Variants in PTPN1 observed in about 807,000 individuals in gnomAD.
PTPN1 encodes protein tyrosine phosphatase non-receptor type 1, also known as tyrosine-protein phosphatase non-receptor type 1.
PTPN1 carries 12 observed loss-of-function variants against 59.9 expected under a neutral mutation model. The ratio of observed to expected loss-of-function variants is 0.20; its 90% CI spans 0.13 to 0.32. PTPN1 has a LOEUF of 0.32. PTPN1 is among the 10% of genes least tolerant of loss of function. The pLI, the probability that PTPN1 is intolerant of heterozygous loss-of-function variation, is 1.00. For missense variants in PTPN1, 356 were observed against 549.2 expected (o/e 0.65, Z 3.52); for synonymous variants, 178 against 203.6 (o/e 0.87, Z 1.07).
intron 1 of PTPN1, among the ~76,000 whole-genome samples, chr20:50,542,547 A>G (rs569785219): frequency 6.6e-6 from 1 of 152,206 alleles, no homozygotes; most frequent in Non-Finnish European, 1.5e-5. Context: ...AAGAGTGTAT[A>G]GCCAATTGTG....
At chr20:50,572,555 A>G (rs1403952226) in intron 4 of PTPN1, 2 of 152,158 alleles carry the variant, frequency 1.3e-5, no homozygotes, top group Non-Finnish European at 2.9e-5. Flanking sequence ...TGCTGTCTGG[A>G]GGTGAGCTTT....
chr20:50,544,111 T>C (rs1028067371), intron 1 of PTPN1, among the ~76,000 whole-genome samples: 2 of 152,188 alleles, frequency 1.3e-5, no homozygotes, highest in African/African-American at 4.8e-5. Context: ...CCCAAAGTGC[T>C]GGGATTACAG....
At chr20:50,515,169 T>G (rs1052755827) in intron 1 of PTPN1, among the ~76,000 whole-genome samples, 4 of 152,234 alleles carry the variant, frequency 2.6e-5, no homozygotes, top group Admixed American at 2.6e-4. Context: ...AAACTCCTCT[T>G]TAGCATGGCA....
intron 1 of PTPN1, among the ~76,000 whole-genome samples, chr20:50,534,914 A>G (rs918110810): frequency 3.4e-5 from 5 of 145,648 alleles, no homozygotes; most frequent in African/African-American, 1.0e-4. Context: ...TATTTTTTAT[A>G]GAGACAGAGT....
intron 1 of PTPN1, among the ~76,000 whole-genome samples, chr20:50,553,750 A>G (rs2082713756): frequency 6.6e-6 from 1 of 152,252 alleles, no homozygotes; most frequent in African/African-American, 2.4e-5. Context: ...ATTATAAATA[A>G]CTTAGCAGAT....
rs1479941474 is a variant in PTPN1, at chr20:50,582,819, G to A, written c.*104G>A. The A allele has an allele frequency of 4.3e-6, 6 of 1,408,508 alleles. No homozygotes were observed. The highest frequency in any genetic ancestry group is 3.8e-5 in the Admixed American group (2 of 52,342). 87.3% of individuals were successfully genotyped at this position (1,408,508 alleles called of 1,614,324 possible). A position where few individuals can be genotyped will look rare whatever the true frequency, so the allele number is the denominator to read the frequency against. On this transcript the variant is annotated 3_prime_UTR_variant, in exon 10 of 10. Coordinates refer to ENST00000371621, the MANE Select transcript of PTPN1 (RefSeq NM_002827.4). This position sits in a 1 kb window ranked among gnomAD's most constrained non-coding sequence, Gnocchi z 4.2. ...CGGTAGGTAAGGGCCGCCGGACCGCGTAGAGAGCCGGGCCCCGGACGGACG... is the reference window on the plus strand; with the variant it reads ...CGGTAGGTAAGGGCCGCCGGACCGCATAGAGAGCCGGGCCCCGGACGGACG...
chr20:50,565,439 C>T (rs74990466), intron 3 of PTPN1, among the ~76,000 whole-genome samples: 1,606 of 152,294 alleles, frequency 0.011, 12 homozygotes, highest in Middle Eastern at 0.017. Context: ...AATCTAAGAA[C>T]GTTAGCAGTA....
chr20:50,512,881 A>G (rs2082513393), intron 1 of PTPN1, among the ~76,000 whole-genome samples: 1 of 152,236 alleles, frequency 6.6e-6, no homozygotes, highest in Admixed American at 6.5e-5. Context: ...GTTTAAAAAA[A>G]TTAATACTTT....
chr20:50,554,193 C>T (rs891374960), intron 1 of PTPN1, among the ~76,000 whole-genome samples: 4 of 152,126 alleles, frequency 2.6e-5, no homozygotes, highest in African/African-American at 9.7e-5. Flanking sequence ...TCTGCTTGGG[C>T]AACATAGCCA....
Position 50,579,214 on chromosome 20 carries a change from T to C in PTPN1, c.749T>C (p.Leu250Pro). 1 of 1,614,266 alleles carries C rather than the reference T, an allele frequency of 6.2e-7. No homozygotes were observed. Among genetic ancestry groups the C allele is most frequent in the Non-Finnish European group, 8.5e-7 (1 of 1,180,042 alleles). The change falls in exon 7 of 10, where the codon CTG becomes CCG. Residue 250 changes from leucine to proline, a missense_variant. By Grantham distance (98) the Leu-to-Pro change is moderately conservative (BLOSUM62 -3). This residue lies in a region of PTPN1 where 194 missense variants were observed against 344.2 expected (regional missense o/e 0.56). Coordinates refer to ENST00000371621, the MANE Select transcript of PTPN1 (RefSeq NM_002827.4). Reference protein sequence around the residue: ...DPSSVDIKKVLLEMRKFRMGL... With the variant: ...DPSSVDIKKVPLEMRKFRMGL... ...TCTTCCGTTGATATCAAGAAAGTGC[T>C]GTTAGAAATGAGGAAGTTTCGGATG...
chr20:50,561,026 C>T (rs1449499465), intron 1 of PTPN1, among the ~76,000 whole-genome samples: 3 of 152,214 alleles, frequency 2.0e-5, no homozygotes, highest in African/African-American at 4.8e-5. Context: ...GTCCTCCAGC[C>T]GTCTGTCGCA....
At chr20:50,581,908 G>C (rs1325199352) in intron 9 of PTPN1, among the ~76,000 whole-genome samples, 1 of 152,046 alleles carries the variant, frequency 6.6e-6, no homozygotes, top group African/African-American at 2.4e-5. Flanking sequence ...GATGTAATCA[G>C]CCATATAATT....
intron 1 of PTPN1, among the ~76,000 whole-genome samples, chr20:50,553,936 G>A (rs76807662): frequency 6.6e-6 from 1 of 152,026 alleles, no homozygotes; most frequent in African/African-American, 2.4e-5. Context: ...AGTACAGAGA[G>A]GAAAAAAATG....
chr20:50,544,117 T>C (rs1369110931), intron 1 of PTPN1, among the ~76,000 whole-genome samples: 3 of 152,168 alleles, frequency 2.0e-5, no homozygotes, highest in Non-Finnish European at 4.4e-5. Flanking sequence ...GTGCTGGGAT[T>C]ACAGGCATGA....
intron 5 of PTPN1, chr20:50,577,679 G>C (rs2082843332): frequency 6.6e-6 from 1 of 152,276 alleles, no homozygotes; most frequent in South Asian, 2.1e-4. Context: ...GAGACATTCT[G>C]GGACAAGGGC....
rs775439177 is a variant in PTPN1, at chr20:50,579,337, T to C, written c.864+8T>C. 30 of 1,610,756 alleles carry C rather than the reference T, an allele frequency of 1.9e-5. No homozygotes were observed. The highest frequency in any genetic ancestry group is 2.2e-5 in the Non-Finnish European group (26 of 1,177,652). On this transcript the variant is annotated splice_region_variant and intron_variant, in intron 7 of 9. Transcript: ENST00000371621. ...GGGGACTCTTCCGTGCAGGTCAGCA[T>C]TGCCTTTGTTTGAATCCAGGTGTGA...
chr20:50,568,512 C>A lies in PTPN1; in HGVS notation c.354+34C>A. 2 of 1,480,248 alleles carry A rather than the reference C, an allele frequency of 1.4e-6. No individual in the cohort carries two copies. The highest frequency in any genetic ancestry group is 2.3e-5 in the South Asian group (2 of 88,170). 91.7% of individuals were successfully genotyped at this position (1,480,248 alleles called of 1,614,324 possible). On this transcript the variant is annotated intron_variant, in intron 4 of 9. Coordinates refer to ENST00000371621, the MANE Select transcript of PTPN1 (RefSeq NM_002827.4). This position sits in a 1 kb window ranked among gnomAD's most constrained non-coding sequence, Gnocchi z 5.6. ...CGGCTTCATTTGCTGTGTATGTGAT[C>A]ATGCATACCACTCCATATAGTTACC...
At chr20:50,538,224 T>TAA (rs5841805) in intron 1 of PTPN1, among the ~76,000 whole-genome samples, 2,753 of 145,398 alleles carry the variant, frequency 0.019, 31 homozygotes, top group East Asian at 0.051. Flanking sequence ...TGTAAAAAGT[T>TAA]AAAAAAAAAA....
chr20:50,517,394 A>G (rs940258746), intron 1 of PTPN1, among the ~76,000 whole-genome samples: 1 of 152,108 alleles, frequency 6.6e-6, no homozygotes, highest in African/African-American at 2.4e-5. Context: ...AGCTGAGACT[A>G]CAGGCATGTG....
Sources: allele counts gnomAD v4.1 joint callset (sites outside exome capture counted in the v4.1 genomes callset), GRCh38; gene constraint gnomAD v4.1.1; regional missense constraint gnomAD v4.1.1; non-coding constraint Gnocchi (gnomAD v3.1); transcripts MANE v1.5; gene names NCBI Gene and HGNC (gene_info 2026-07-23, HGNC 2026-07-21).